Variants in SGPP2 observed in about 807,000 individuals in gnomAD.
SGPP2 encodes the protein sphingosine 1-phosphate phosphohydrolase 2.
SGPP2 carries 30 observed loss-of-function variants against 33.9 expected under a neutral mutation model. The observed-to-expected ratio is 0.89, with a 90% CI of 0.66 to 1.20. The LOEUF (loss-of-function observed/expected upper bound fraction) is 1.20, where lower values mean the gene tolerates loss of function less well. SGPP2 is among the 50% of genes most tolerant of loss of function. The pLI is 0.00. For missense variants in SGPP2, 458 were observed against 532.1 expected, an observed-to-expected ratio of 0.86 and a Z score of 1.37; for synonymous variants, 233 against 225.0, an observed-to-expected ratio of 1.04 and a Z score of -0.32.
intron 1 of SGPP2, among the ~76,000 whole-genome samples, chr2:222,449,451 C>G (rs1574836356): frequency 1.3e-5 from 2 of 150,430 alleles, no homozygotes; most frequent in African/African-American, 2.4e-5. Context: ...AAGGATGCAG[C>G]CTTTACTCAG....
intron 1 of SGPP2, among the ~76,000 whole-genome samples, chr2:222,434,988 A>ACACACC (rs1697214011): frequency 1.3e-5 from 2 of 150,060 alleles, no homozygotes; most frequent in South Asian, 4.3e-4. Flanking sequence ...ACACACACAC[A>ACACACC]CACACACACA....
At chr2:222,483,143 A>C (rs1250584540) in intron 2 of SGPP2, among the ~76,000 whole-genome samples, 1 of 152,130 alleles carries the variant, frequency 6.6e-6, no homozygotes, top group East Asian at 1.9e-4. Flanking sequence ...GGCTTTACTT[A>C]TTTTGTCTTG....
intron 2 of SGPP2, among the ~76,000 whole-genome samples, chr2:222,486,906 CATTA>C (rs1314078267): frequency 1.3e-5 from 2 of 151,864 alleles, no homozygotes; most frequent in Non-Finnish European, 2.9e-5. Context: ...TAGTAAACCA[CATTA>C]ATTAAAAATT....
rs955422326 is a variant in SGPP2 at position 222,511,283 on chromosome 2, C to T, written c.379-10484C>T. On this transcript the variant is annotated intron_variant, in intron 2 of 4. Coordinates refer to ENST00000321276, the MANE Select transcript of SGPP2 (RefSeq NM_152386.4). ...CTTTTGTCTGCCTGGGGTGAATGGT[C>T]GACTATCCAGAGAACCAGATTTTCT... Among the ~76,000 whole-genome samples the T allele has an allele frequency of 3.3e-5, 5 of 152,230 alleles. No homozygotes were observed. In the South Asian group the frequency reaches 8.3e-4, roughly 25 times the overall value.
At chr2:222,524,825 G>A (rs2106136223) in intron 3 of SGPP2, 119 bp from the exon 4 acceptor site, 1 of 763,524 alleles carries the variant, frequency 1.3e-6, no homozygotes, top group Non-Finnish European at 2.2e-6. Context: ...GCTGGTCTGG[G>A]GAATGCAAGA....
chr2:222,486,357 T>G (rs901650204), intron 2 of SGPP2, among the ~76,000 whole-genome samples: 1 of 152,174 alleles, frequency 6.6e-6, no homozygotes, highest in African/African-American at 2.4e-5. Context: ...TTATTATTAT[T>G]AGCATCATCG....
chr2:222,474,276 TC>T (rs1186294239), intron 1 of SGPP2, among the ~76,000 whole-genome samples: 1 of 152,252 alleles, frequency 6.6e-6, no homozygotes, highest in African/African-American at 2.4e-5. Flanking sequence ...TCTCCAGGTT[TC>T]TAGCTCTCTG....
At chr2:222,427,164 T>C (rs1697083221) in intron 1 of SGPP2, among the ~76,000 whole-genome samples, 1 of 152,372 alleles carries the variant, frequency 6.6e-6, no homozygotes, top group Admixed American at 6.5e-5. Flanking sequence ...GCAACTTTTC[T>C]GTTATGGTCC....
At chr2:222,540,395 T>C (rs1299838356) in intron 4 of SGPP2, among the ~76,000 whole-genome samples, 2 of 152,210 alleles carry the variant, frequency 1.3e-5, no homozygotes, top group Non-Finnish European at 2.9e-5. Flanking sequence ...AAATTTTGAA[T>C]TTTCAGATTT....
intron 2 of SGPP2, among the ~76,000 whole-genome samples, chr2:222,514,783 C>T (rs1168871945): frequency 2.0e-5 from 3 of 152,154 alleles, no homozygotes; most frequent in Non-Finnish European, 4.4e-5. Context: ...CCCTGGCCTC[C>T]TCCCTCTAAA....
At chr2:222,474,810 C>CTT in intron 2 of SGPP2, 84 bp downstream of exon 2, 1 of 868,022 alleles carries the variant, frequency 1.2e-6, no homozygotes, top group Non-Finnish European at 1.5e-6. Flanking sequence ...CAAATATGTT[C>CTT]TTTCTTTTTT....
In SGPP2 at chr2:222,532,104, C is replaced by A. The variant is rs147087653; in HGVS notation, c.648+7071C>A. ...CCTGACCAACATGGAGAAACCCCAT[C>A]TCTACTAAAAATACAAAAAATTAGC... On this transcript the variant is annotated intron_variant, in intron 4 of 4. Transcript: ENST00000321276. Among the ~76,000 whole-genome samples, 266 of 152,196 alleles carry A rather than the reference C, an allele frequency of 1.7e-3. 2 individuals carry two copies. The highest frequency in any genetic ancestry group is 6.2e-3 in the African/African-American group (259 of 41,524).
At chr2:222,533,673 G>C (rs1433880684) in intron 4 of SGPP2, among the ~76,000 whole-genome samples, 1 of 152,106 alleles carries the variant, frequency 6.6e-6, no homozygotes, top group Non-Finnish European at 1.5e-5. Context: ...GGGACCCCAG[G>C]CCTTGACCTT....
At chr2:222,451,010 A>G (rs2106075489) in intron 1 of SGPP2, among the ~76,000 whole-genome samples, 1 of 152,296 alleles carries the variant, frequency 6.6e-6, no homozygotes, top group South Asian at 2.1e-4. Flanking sequence ...TTCATAATAT[A>G]GAAAATGTAT....
At chr2:222,533,792 T>TA (rs34369778) in intron 4 of SGPP2, among the ~76,000 whole-genome samples, 66,018 of 150,772 alleles carry the variant, frequency 0.44, 16,980 homozygotes, top group East Asian at 0.81. Flanking sequence ...TTCATTTATT[T>TA]TTTTTTTTTT....
At position 222,558,783 on chromosome 2, in the gene SGPP2, A is replaced by G; in HGVS notation, c.1085A>G (p.Glu362Gly). The G allele has an allele frequency of 6.2e-7, 1 of 1,614,174 alleles. No homozygotes were observed. Residue 362 changes from glutamate to glycine, a missense_variant, in exon 5 of 5, where the codon GAG (glutamate) becomes GGG (glycine). Transcript: ENST00000321276. ...SWFKVVTRNK[E>G]ARRRLEIEVP... is the part of the protein sequence containing the mutation. ...TTCAAGGTGGTCACCAGGAACAAGG[A>G]GGCCAGGCGGAGACTGGAGATTGAA...
intron 1 of SGPP2, among the ~76,000 whole-genome samples, chr2:222,425,194 C>T (rs571186572): frequency 6.6e-6 from 1 of 152,266 alleles, no homozygotes; most frequent in East Asian, 1.9e-4. Context: ...CTTAGACTCC[C>T]CCCCACCCCC....
intron 1 of SGPP2, among the ~76,000 whole-genome samples, chr2:222,464,419 C>G (rs1697712843): frequency 6.6e-6 from 1 of 152,248 alleles, no homozygotes; most frequent in South Asian, 2.1e-4. Flanking sequence ...TTCTAACCCT[C>G]TCACTATCCT....
intron 2 of SGPP2, among the ~76,000 whole-genome samples, chr2:222,506,669 T>C (rs1258252310): frequency 6.6e-6 from 1 of 152,148 alleles, no homozygotes; most frequent in East Asian, 1.9e-4. Flanking sequence ...TAGTTAAGTT[T>C]TGGAGAAGTC....
Sources: allele counts gnomAD v4.1 joint callset (sites outside exome capture counted in the v4.1 genomes callset), GRCh38; gene constraint gnomAD v4.1.1; transcripts MANE v1.5; gene names NCBI Gene and HGNC (gene_info 2026-07-23, HGNC 2026-07-21).